The following GADL1 variants were observed in gnomAD, a reference collection of about 807,000 sequenced individuals.
GADL1 encodes the protein acidic amino acid decarboxylase GADL1.
Under a neutral mutation model 69.5 loss-of-function variants are expected in GADL1, and 71 were observed. That is an observed-to-expected ratio of 1.02 (90% confidence interval 0.84 to 1.25). The LOEUF (loss-of-function observed/expected upper bound fraction) is 1.25, where lower values mean the gene tolerates loss of function less well. Ranked by LOEUF, GADL1 falls within the 50% of genes most tolerant of loss-of-function variation. GADL1 has a pLI of 0.00. For missense variants in GADL1, 737 were observed against 631.8 expected, an observed-to-expected ratio of 1.17 and a Z score of -1.79; for synonymous variants, 254 against 214.4, an observed-to-expected ratio of 1.18 and a Z score of -1.62.
chr3:30,752,788 C>G (rs1409164280), intron 14 of GADL1, among the ~76,000 whole-genome samples: 1 of 150,642 alleles, frequency 6.6e-6, no homozygotes, highest in African/African-American at 2.5e-5. Flanking sequence ...ATGTTAATGG[C>G]AGGTTAAAAC....
intron 9 of GADL1, among the ~76,000 whole-genome samples, chr3:30,838,214 T>A (rs1697904343): frequency 6.6e-6 from 1 of 152,066 alleles, no homozygotes; most frequent in Non-Finnish European, 1.5e-5. Context: ...TTGGTTAGAA[T>A]CAAACTAATT....
chr3:30,740,759 G>C (rs948933517), intron 14 of GADL1, among the ~76,000 whole-genome samples: 4 of 150,812 alleles, frequency 2.7e-5, no homozygotes, highest in Non-Finnish European at 5.9e-5. Flanking sequence ...TTTGTTTTGG[G>C]TGATCATCTT....
chr3:30,850,608 T>C lies in GADL1; in HGVS notation c.535+227A>G, dbSNP rs557512217. On this transcript the variant is annotated intron_variant, in intron 5 of 14. Coordinates refer to ENST00000282538, the MANE Select transcript of GADL1 (RefSeq NM_207359.3). ...CAAATCGATTCATTTGTGTTAGATA[T>C]AAATCCTAAACTGTAGGCACCTCAT... 7.9e-5 allele frequency among the ~76,000 whole-genome samples: 12 copies of C among 152,306 alleles called. No individual in the cohort carries two copies. In the South Asian group the frequency reaches 2.5e-3, roughly 32 times the overall value.
chr3:30,772,686 C>G (rs1317750187), intron 14 of GADL1, among the ~76,000 whole-genome samples: 1 of 152,046 alleles, frequency 6.6e-6, no homozygotes, highest in Non-Finnish European at 1.5e-5. Context: ...ACCAGCCTGG[C>G]CAACATGGTG....
intron 14 of GADL1, among the ~76,000 whole-genome samples, chr3:30,769,602 A>G (rs1413191273): frequency 6.6e-6 from 1 of 152,128 alleles, no homozygotes; most frequent in Non-Finnish European, 1.5e-5. Flanking sequence ...TTCAGAACAC[A>G]CAAACTTCAG....
intron 3 of GADL1, among the ~76,000 whole-genome samples, chr3:30,856,665 C>A (rs1698235192): frequency 6.6e-6 from 1 of 151,986 alleles, no homozygotes; most frequent in East Asian, 1.9e-4. Flanking sequence ...AATCCCTTAA[C>A]AAATTTATAT....
intron 14 of GADL1, among the ~76,000 whole-genome samples, chr3:30,741,830 G>C (rs1048695809): frequency 6.6e-6 from 1 of 152,158 alleles, no homozygotes; most frequent in African/African-American, 2.4e-5. Flanking sequence ...GAGAGGGCTT[G>C]TGGCACACTA....
intron 12 of GADL1, among the ~76,000 whole-genome samples, chr3:30,791,499 T>C (rs1183893679): frequency 6.6e-6 from 1 of 152,206 alleles, no homozygotes. Context: ...CCTTACAAGT[T>C]ATGGCTACAC....
intron 12 of GADL1, 23 bp downstream of exon 12, chr3:30,800,854 AAGAGAGAGAGAG>A (rs10553550): frequency 4.5e-5 from 53 of 1,185,896 alleles, no homozygotes; most frequent in Middle Eastern, 2.3e-4. Context: ...CACACACAGA[AAGAGAGAGAGAG>A]AGAGAGAGAG....
intron 14 of GADL1, among the ~76,000 whole-genome samples, chr3:30,759,353 CTTCT>C (rs1696064798): frequency 6.6e-6 from 1 of 151,962 alleles, no homozygotes. Context: ...AGCTCTTGCC[CTTCT>C]TTCTGTACCT....
At position 30,889,476 on chromosome 3, in the gene GADL1, G is replaced by A. The variant is rs550298400; in HGVS notation, c.37+5102C>T. On this transcript the variant is annotated intron_variant, in intron 1 of 14. Coordinates refer to ENST00000282538, the MANE Select transcript of GADL1 (RefSeq NM_207359.3). The stretch of plus-strand genomic sequence containing the variant: ...GGGAACACTTACACAGGAGGTATTC[G>A]TGAACTGTCAGAAAATGTATACATA... Among the ~76,000 whole-genome samples, 6 of 152,300 alleles carry A rather than the reference G, an allele frequency of 3.9e-5. 1 individual carries two copies. Among genetic ancestry groups the A allele is most frequent in the Middle Eastern group, 3.4e-3 (1 of 294 alleles).
At chr3:30,784,348 A>G (rs890541824) in intron 13 of GADL1, among the ~76,000 whole-genome samples, 4 of 151,750 alleles carry the variant, frequency 2.6e-5, no homozygotes, top group Non-Finnish European at 4.4e-5. Flanking sequence ...GATTATCACT[A>G]CTCCCTCTGT....
Position 30,779,597 on chromosome 3 carries a change from C to T in GADL1, c.1303-1329G>A, listed in dbSNP as rs116491359. On this transcript the variant is annotated intron_variant, in intron 13 of 14. Transcript: ENST00000282538. ...GCAAAAACCACAATGACTTTTGCAGCAACCTAATATAATAGATTTATCTAG... is the reference window on the plus strand; with the variant it reads ...GCAAAAACCACAATGACTTTTGCAGTAACCTAATATAATAGATTTATCTAG... 8.1e-3 allele frequency among the ~76,000 whole-genome samples: 1,233 copies of T among 152,296 alleles called. 13 individuals carry two copies. Among genetic ancestry groups the T allele is most frequent in the African/African-American group, 0.028 (1,183 of 41,548 alleles).
At chr3:30,759,118 C>T (rs1300802101) in intron 14 of GADL1, among the ~76,000 whole-genome samples, 1 of 151,982 alleles carries the variant, frequency 6.6e-6, no homozygotes, top group Non-Finnish European at 1.5e-5. Flanking sequence ...GGATTTAGTG[C>T]TGGCATCTCG....
At position 30,802,894 on chromosome 3, in the gene GADL1, G is replaced by A. The variant is rs539929971; in HGVS notation, c.1051-1806C>T. 2.9e-4 allele frequency among the ~76,000 whole-genome samples: 44 copies of A among 152,264 alleles called. 1 individual carries two copies. The highest frequency in any genetic ancestry group is 9.7e-4 in the East Asian group (5 of 5,172). ...GCAAGAGGATCACCTGAGGCCAGCC[G>A]TTTGATACAAGCCTGGGCAACATAG... On this transcript the variant is annotated intron_variant, in intron 11 of 14. Coordinates refer to ENST00000282538, the MANE Select transcript of GADL1 (RefSeq NM_207359.3).
chr3:30,802,893 C>T (rs752824780), intron 11 of GADL1, among the ~76,000 whole-genome samples: 12 of 152,086 alleles, frequency 7.9e-5, no homozygotes, highest in Admixed American at 2.6e-4. Context: ...TGAGGCCAGC[C>T]GTTTGATACA....
chr3:30,866,817 C>T (rs1437299177), intron 1 of GADL1, among the ~76,000 whole-genome samples: 5 of 152,160 alleles, frequency 3.3e-5, no homozygotes, highest in African/African-American at 1.2e-4. Context: ...AGATTATAAA[C>T]CTACAGAAAA....
At chr3:30,804,335 T>G (rs1236307687) in intron 11 of GADL1, among the ~76,000 whole-genome samples, 2 of 152,134 alleles carry the variant, frequency 1.3e-5, no homozygotes, top group Non-Finnish European at 2.9e-5. Context: ...GAGGAGGCTC[T>G]GTTTGAAGAC....
chr3:30,789,793 T>C (rs777201021), intron 12 of GADL1, among the ~76,000 whole-genome samples: 7 of 152,176 alleles, frequency 4.6e-5, no homozygotes, highest in Admixed American at 2.6e-4. Context: ...CTTCCAACTT[T>C]CCTTATTCAT....
Sources: allele counts gnomAD v4.1 joint callset (sites outside exome capture counted in the v4.1 genomes callset), GRCh38; gene constraint gnomAD v4.1.1; transcripts MANE v1.5; gene names NCBI Gene and HGNC (gene_info 2026-07-23, HGNC 2026-07-21).